Variants in VSTM2L observed in about 807,000 individuals in gnomAD.
VSTM2L encodes the protein V-set and transmembrane domain containing 2 like, also known as V-set and transmembrane domain-containing protein 2-like protein.
Under a neutral mutation model 19.9 loss-of-function variants are expected in VSTM2L, and 9 were observed. That is an observed-to-expected ratio of 0.45 (90% confidence interval 0.27 to 0.79). VSTM2L has a LOEUF of 0.79. Among genes scored for constraint, VSTM2L ranks in the 30% least tolerant of loss-of-function variants. VSTM2L has a pLI of 0.15. For missense variants in VSTM2L, 286 were observed against 295.5 expected (o/e 0.97, Z 0.24); for synonymous variants, 127 against 133.8 (o/e 0.95, Z 0.35).
chr20:37,916,871 A>G (rs1027422303), intron 1 of VSTM2L, among the ~76,000 whole-genome samples: 1 of 152,234 alleles, frequency 6.6e-6, no homozygotes, highest in Non-Finnish European at 1.5e-5. Flanking sequence ...TATCCGGAGT[A>G]GGCAAATGTG....
chr20:37,921,697 A>T (rs1167014496), intron 1 of VSTM2L, among the ~76,000 whole-genome samples: 1 of 151,170 alleles, frequency 6.6e-6, no homozygotes, highest in East Asian at 1.9e-4. Flanking sequence ...GAACTGAGAG[A>T]GGGTGGGGGA....
intron 3 of VSTM2L, among the ~76,000 whole-genome samples, chr20:37,941,472 A>G (rs539841054): frequency 2.0e-4 from 30 of 152,160 alleles, no homozygotes; most frequent in Admixed American, 3.3e-4. Context: ...GATTGGTAAG[A>G]CGATTAGAAG....
At chr20:37,912,863 C>G (rs1343165837) in intron 1 of VSTM2L, among the ~76,000 whole-genome samples, 1 of 151,906 alleles carries the variant, frequency 6.6e-6, no homozygotes, top group Non-Finnish European at 1.5e-5. Flanking sequence ...TCTCTCTCCC[C>G]CTCTCTCTCT....
At chr20:37,912,044 T>C (rs2072782705) in intron 1 of VSTM2L, among the ~76,000 whole-genome samples, 1 of 152,210 alleles carries the variant, frequency 6.6e-6, no homozygotes, top group South Asian at 2.1e-4. Flanking sequence ...TGTGTTTTCA[T>C]CACTTCCCCT....
At chr20:37,916,067 C>G (rs1022777695) in intron 1 of VSTM2L, among the ~76,000 whole-genome samples, 2 of 152,216 alleles carry the variant, frequency 1.3e-5, no homozygotes, top group Non-Finnish European at 2.9e-5. Context: ...TTTGCTTCCC[C>G]CACTTCTTCC....
At chr20:37,907,156 G>A (rs1254336539) in intron 1 of VSTM2L, among the ~76,000 whole-genome samples, 2 of 152,032 alleles carry the variant, frequency 1.3e-5, no homozygotes, top group East Asian at 1.9e-4. Flanking sequence ...GACCAGGCTC[G>A]AGTGCAGTGG....
chr20:37,903,217 C>G lies in VSTM2L; in HGVS notation c.-134C>G. 1 of 1,148,436 alleles carries G rather than the reference C, an allele frequency of 8.7e-7. No homozygotes were observed. The allele number at this position is 1,148,436 out of a possible 1,614,324, so 71.1% of individuals were successfully genotyped here. ...CGAGGGCTGGGAGCTGGGCCGGGTC[C>G]GGGGACAGCGGGCGAGGGGCAGCTG... On this transcript the variant is annotated 5_prime_UTR_variant, in exon 1 of 4. Coordinates refer to ENST00000373461, the MANE Select transcript of VSTM2L (RefSeq NM_080607.3).
intron 3 of VSTM2L, among the ~76,000 whole-genome samples, chr20:37,940,921 G>T (rs1401580971): frequency 6.6e-6 from 1 of 152,286 alleles, no homozygotes; most frequent in East Asian, 1.9e-4. Flanking sequence ...CTGTCCCCAT[G>T]ATCCACTCAC....
At chr20:37,917,343 AT>A (rs762909380) in intron 1 of VSTM2L, among the ~76,000 whole-genome samples, 2 of 151,804 alleles carry the variant, frequency 1.3e-5, no homozygotes, top group South Asian at 2.1e-4. Context: ...GAAAAAAAAA[AT>A]GTTAGCTATT....
At chr20:37,915,022 C>T (rs1204279841) in intron 1 of VSTM2L, among the ~76,000 whole-genome samples, 1 of 152,244 alleles carries the variant, frequency 6.6e-6, no homozygotes, top group Non-Finnish European at 1.5e-5. Context: ...CAATTAGGGC[C>T]TGCTCGCTGG....
At chr20:37,931,235 G>T (rs1425061514) in intron 1 of VSTM2L, among the ~76,000 whole-genome samples, 1 of 152,200 alleles carries the variant, frequency 6.6e-6, no homozygotes, top group Non-Finnish European at 1.5e-5. Context: ...AGTAACTCAG[G>T]AGGGGAACTG....
intron 1 of VSTM2L, among the ~76,000 whole-genome samples, chr20:37,930,075 G>T (rs2072900077): frequency 6.6e-6 from 1 of 152,210 alleles, no homozygotes; most frequent in African/African-American, 2.4e-5. Context: ...CCAAGCCTCA[G>T]CAAGCGGGGA....
At chr20:37,928,288 T>C (rs2072889522) in intron 1 of VSTM2L, among the ~76,000 whole-genome samples, 2 of 152,128 alleles carry the variant, frequency 1.3e-5, no homozygotes, top group African/African-American at 2.4e-5. Flanking sequence ...CCTCTTCGGC[T>C]CTTCCCGTGC....
intron 1 of VSTM2L, among the ~76,000 whole-genome samples, chr20:37,914,874 T>TG (rs1053712959): frequency 1.3e-5 from 2 of 152,114 alleles, no homozygotes; most frequent in African/African-American, 4.8e-5. Flanking sequence ...GGGATGGGGG[T>TG]GGGGTCTTGA....
chr20:37,907,152 G>A (rs1228760712), intron 1 of VSTM2L, among the ~76,000 whole-genome samples: 1 of 152,140 alleles, frequency 6.6e-6, no homozygotes, highest in Non-Finnish European at 1.5e-5. Context: ...TATTGACCAG[G>A]CTCGAGTGCA....
intron 3 of VSTM2L, among the ~76,000 whole-genome samples, chr20:37,940,107 C>T (rs575435945): frequency 2.0e-5 from 3 of 152,326 alleles, no homozygotes; most frequent in South Asian, 2.1e-4. Flanking sequence ...ACTCCATTAG[C>T]GCCTTGTAGG....
intron 1 of VSTM2L, among the ~76,000 whole-genome samples, chr20:37,921,837 C>CTTTTTTTTTTTTTTTTTTTTTT (rs1568837638): frequency 3.2e-5 from 4 of 126,616 alleles, no homozygotes; most frequent in African/African-American, 1.4e-4. Flanking sequence ...TCTTTCTTTT[C>CTTTTTTTTTTTTTTTTTTTTTT]CTTTTTTTTT....
intron 1 of VSTM2L, among the ~76,000 whole-genome samples, chr20:37,915,208 GC>G (rs2072811083): frequency 6.6e-6 from 1 of 152,120 alleles, no homozygotes; most frequent in Non-Finnish European, 1.5e-5. Context: ...CTGGGACAGG[GC>G]CCAGATCCAC....
chr20:37,907,845 A>AC (rs749448590), intron 1 of VSTM2L, among the ~76,000 whole-genome samples: 13 of 152,106 alleles, frequency 8.5e-5, no homozygotes, highest in Non-Finnish European at 1.5e-4. Flanking sequence ...GGGAGGGGGC[A>AC]CCGGGCCATT....
Sources: gnomAD v4.1 joint callset for allele counts (sites outside exome capture counted in the v4.1 genomes callset) on GRCh38, gnomAD v4.1.1 for gene constraint, MANE v1.5 for transcripts, NCBI Gene and HGNC (gene_info 2026-07-23, HGNC 2026-07-21) for gene names.